Variants in PPEF2 observed in about 807,000 individuals in gnomAD.
PPEF2 encodes the protein protein phosphatase with EF-hand domain 2, also known as serine/threonine-protein phosphatase with EF-hands 2.
In PPEF2, 84 loss-of-function variants were observed where a neutral mutation model predicts 84.7. The observed-to-expected ratio is 0.99, with a 90% CI of 0.83 to 1.19. The LOEUF (loss-of-function observed/expected upper bound fraction) is 1.19. PPEF2 is among the 50% of genes most tolerant of loss of function. The pLI is 0.00. For missense variants in PPEF2, 924 were observed against 937.5 expected (o/e 0.99, Z 0.19); for synonymous variants, 346 against 345.2 (o/e 1.00, Z -0.03).
chr4:75,865,482 G>T (rs1029105773), intron 15 of PPEF2, among the ~76,000 whole-genome samples: 1 of 151,984 alleles, frequency 6.6e-6, no homozygotes, highest in African/African-American at 2.4e-5. Context: ...CTGCCTCCTG[G>T]GTTCAAGCAA....
chr4:75,877,597 A>G (rs1189442502), intron 10 of PPEF2, among the ~76,000 whole-genome samples: 1 of 151,918 alleles, frequency 6.6e-6, no homozygotes, highest in Admixed American at 6.6e-5. Flanking sequence ...AGAAACATTG[A>G]CAGCAATATG....
At chr4:75,882,439 A>G (rs1017415625) in intron 10 of PPEF2, among the ~76,000 whole-genome samples, 16 of 152,194 alleles carry the variant, frequency 1.1e-4, no homozygotes, top group African/African-American at 3.1e-4. Flanking sequence ...AATGGCAGAT[A>G]ACACGGCACT....
intron 16 of PPEF2, 90 bp from the exon 17 acceptor site, chr4:75,861,010 A>G (rs754969289): frequency 2.9e-5 from 41 of 1,421,950 alleles, no homozygotes; most frequent in Non-Finnish European, 3.8e-5. Context: ...CCTGCTCCCT[A>G]CTGCTCAACA....
In PPEF2 at chr4:75,860,732, C is replaced by A; in HGVS notation, c.2197G>T (p.Ala733Ser). 6.2e-7 allele frequency: 1 copy of A among 1,614,258 alleles called. No individual in the cohort carries two copies. Residue 733 changes from alanine (A) to serine (S), a missense_variant, in exon 17 of 17, where the codon GCC (alanine) becomes TCC (serine). By Grantham distance (99) the Ala-to-Ser change is moderately conservative. Coordinates refer to ENST00000286719, the MANE Select transcript of PPEF2 (RefSeq NM_006239.3). ...TTTGTAGCTTGTGGGCATTCTGAGG[C>A]ATCGCCCTCTGGGCAGGATTTCTCC... ...LVEKSCPEGD[A>S]SECPQATNAK...
intron 11 of PPEF2, among the ~76,000 whole-genome samples, chr4:75,875,482 A>G (rs929788529): frequency 3.9e-5 from 6 of 152,006 alleles, no homozygotes; most frequent in Non-Finnish European, 7.4e-5. Flanking sequence ...GGTGGTGCAC[A>G]CCGGTAGTCC....
chr4:75,876,195 G>A, intron 11 of PPEF2, 92 bp downstream of exon 11: 3 of 1,295,356 alleles, frequency 2.3e-6, no homozygotes, highest in Non-Finnish European at 2.1e-6. Context: ...AGAGAAAGAG[G>A]GGCCTCAAAA....
At chr4:75,892,337 T>C (rs1724909556) in intron 2 of PPEF2, among the ~76,000 whole-genome samples, 1 of 152,114 alleles carries the variant, frequency 6.6e-6, no homozygotes, top group East Asian at 1.9e-4. Flanking sequence ...GCAGCATCCC[T>C]GACAGGTTAT....
At chr4:75,892,944 C>G (rs1311455571) in intron 2 of PPEF2, among the ~76,000 whole-genome samples, 1 of 152,152 alleles carries the variant, frequency 6.6e-6, no homozygotes, top group Non-Finnish European at 1.5e-5. Flanking sequence ...CAGGCTGACT[C>G]AGGTCAACCT....
At chr4:75,896,885 C>G (rs1395819954) in intron 1 of PPEF2, among the ~76,000 whole-genome samples, 1 of 151,628 alleles carries the variant, frequency 6.6e-6, no homozygotes, top group East Asian at 1.9e-4. Context: ...TTCTTTCTTT[C>G]TTTCTTTCTT....
chr4:75,860,671 T>C lies in PPEF2; in HGVS notation c.2258A>G (p.His753Arg), dbSNP rs1015797001. The change falls in exon 17 of 17, where the codon CAC becomes CGC. Residue 753 changes from histidine (H) to arginine (R), a missense_variant. By Grantham distance (29) the His-to-Arg change is conservative. Transcript: ENST00000286719. ...GTGATGAAGACCAGGCTGTTCTTAG[T>C]GTGCACCTGGACTGCTGCAGCCACT... ...KDSGCSSPGA[H>R] 3.1e-6 allele frequency: 5 copies of C among 1,613,890 alleles called. No individual in the cohort carries two copies. The Admixed American group carries it at 6.7e-5, about 22-fold the overall frequency.
rs151263751 is a variant in PPEF2, at chr4:75,872,429, C to A, written c.1507-262G>T. Among the ~76,000 whole-genome samples, 509 of 152,202 alleles carry A rather than the reference C, an allele frequency of 3.3e-3. 1 individual carries two copies. The highest frequency in any genetic ancestry group is 0.027 in the Middle Eastern group (8 of 294). ...ACATTTTTATCCCAAGTGAAAATAG[C>A]AAGGGTCATAGAAAACACCATATTT... is the stretch of plus-strand genomic sequence containing the variant. On this transcript the variant is annotated intron_variant, in intron 12 of 16. Transcript: ENST00000286719.
Position 75,864,483 on chromosome 4 carries a change from G to A in PPEF2, c.1965C>T (p.Ser655=). 3 of 1,613,064 alleles carry A rather than the reference G, an allele frequency of 1.9e-6. No individual in the cohort carries two copies. Among genetic ancestry groups the A allele is most frequent in the Non-Finnish European group, 2.5e-6 (3 of 1,179,094 alleles). The stretch of plus-strand genomic sequence containing the variant: ...TGATCCTAAAAATGGTCTCTAGGTT[G>A]GATCGGTTTCGATACAATGTTTCCA... ...SLLETLYRNR[S]NLETIFRIID... Residue 655 remains serine (S), a synonymous_variant, in exon 16 of 17, where the codon TCC becomes TCT. Coordinates refer to ENST00000286719, the MANE Select transcript of PPEF2 (RefSeq NM_006239.3).
Position 75,864,530 on chromosome 4 carries a change from G to T in PPEF2, c.1921-3C>A, listed in dbSNP as rs1326105162. 1 of 1,606,538 alleles carries T rather than the reference G, an allele frequency of 6.2e-7. No homozygotes were observed. The highest frequency in any genetic ancestry group is 8.5e-7 in the Non-Finnish European group (1 of 1,173,376). ...TCCAGCAAACTTGATTGTATGTTCT[G>T]CAAGAAAAAATTCATTTTCCTTCTT... is the stretch of plus-strand genomic sequence containing the variant. On this transcript the variant is annotated splice_polypyrimidine_tract_variant and splice_region_variant and intron_variant, in intron 15 of 16. Transcript: ENST00000286719.
At position 75,877,268 on chromosome 4, in the gene PPEF2, C is replaced by T. The variant is rs184949741; in HGVS notation, c.934-595G>A. Among the ~76,000 whole-genome samples the T allele has an allele frequency of 7.4e-3, 1,123 of 151,086 alleles. 16 individuals are homozygous for T. Among genetic ancestry groups the T allele is most frequent in the African/African-American group, 0.026 (1,050 of 41,148 alleles). On this transcript the variant is annotated intron_variant, in intron 10 of 16. Coordinates refer to ENST00000286719, the MANE Select transcript of PPEF2 (RefSeq NM_006239.3). ...AGGGGAATTGCTTGAACCCGGGAGG[C>T]GGAGGTTGCGGTGAGCCAAGATTGC...
chr4:75,890,609 T>C (rs1022232877), intron 4 of PPEF2, among the ~76,000 whole-genome samples: 6 of 151,746 alleles, frequency 4.0e-5, no homozygotes, highest in Non-Finnish European at 1.5e-5. Flanking sequence ...CAGTCTAGGA[T>C]GGGCAGGAGG....
rs367898608 is a variant in PPEF2, at chr4:75,896,317, G to A, written c.9C>T (p.Ser3=). 6.3e-5 allele frequency: 102 copies of A among 1,614,198 alleles called. No homozygotes were observed. The highest frequency in any genetic ancestry group is 3.3e-4 in the Middle Eastern group (2 of 6,060). Residue 3 remains serine, a synonymous_variant, in exon 2 of 17, where the codon AGC becomes AGT. Transcript: ENST00000286719. MG[S]GTSTQHHFAF... is the part of the protein sequence containing the mutation. ...CAAAATGATGTTGGGTGGAGGTGCC[G>A]CTTCCCATAGTTTAAGCGCAATGCT...
intron 10 of PPEF2, among the ~76,000 whole-genome samples, chr4:75,877,168 T>C (rs1183152049): frequency 6.6e-6 from 1 of 150,758 alleles, no homozygotes; most frequent in Non-Finnish European, 1.5e-5. Context: ...AGAAACCCCA[T>C]CTCTCCTAAA....
At position 75,886,865 on chromosome 4, in the gene PPEF2, A is replaced by C. The variant is rs768463716; in HGVS notation, c.566T>G (p.Phe189Cys). ...GAACATTCATACCTTATAAAATATA[A>C]AGATTAAGTCATCCAATTGGCCATG... ...DLHGQLDDLI[F>C]IFYKNGLPSP... Residue 189 changes from phenylalanine (F) to cysteine (C), a missense_variant, in exon 7 of 17, where the codon TTT becomes TGT. Coordinates refer to ENST00000286719, the MANE Select transcript of PPEF2 (RefSeq NM_006239.3). 3.3e-6 allele frequency: 5 copies of C among 1,496,274 alleles called. No homozygotes were observed. The highest frequency in any genetic ancestry group is 2.7e-6 in the Non-Finnish European group (3 of 1,093,912). 92.7% of individuals were successfully genotyped at this position (1,496,274 alleles called of 1,614,324 possible).
intron 8 of PPEF2, chr4:75,883,462 G>A (rs2149222378): frequency 2.2e-6 from 1 of 464,328 alleles, no homozygotes; most frequent in East Asian, 3.5e-5. Flanking sequence ...ATATGATAGA[G>A]TATGTGTATG....
Sources: gnomAD v4.1 joint callset for allele counts (sites outside exome capture counted in the v4.1 genomes callset) on GRCh38, gnomAD v4.1.1 for gene constraint, MANE v1.5 for transcripts, NCBI Gene and HGNC (gene_info 2026-07-23, HGNC 2026-07-21) for gene names.